The following TMEM260 variants were observed in gnomAD, a reference collection of about 807,000 sequenced individuals.
The protein encoded by TMEM260 is transmembrane protein 260.
In TMEM260, 82 loss-of-function variants were observed where a neutral mutation model predicts 88.9. The ratio of observed to expected loss-of-function variants is 0.92; its 90% CI spans 0.77 to 1.11. TMEM260 has a LOEUF of 1.11. TMEM260 is among the 50% of genes least tolerant of loss of function. The pLI, the probability that TMEM260 is intolerant of heterozygous loss-of-function variation, is 0.00. For missense variants in TMEM260, 902 were observed against 853.4 expected, an observed-to-expected ratio of 1.06 and a Z score of -0.71; for synonymous variants, 314 against 309.3, an observed-to-expected ratio of 1.02 and a Z score of -0.16.
At chr14:56,588,036 C>G (rs555513844) in intron 3 of TMEM260, among the ~76,000 whole-genome samples, 50 of 152,158 alleles carry the variant, frequency 3.3e-4, no homozygotes, top group African/African-American at 1.2e-3. Context: ...TGGCTTTTTC[C>G]TGTTCCAGTG....
rs1310752959 is a variant in TMEM260 at position 56,579,959 on chromosome 14, A to G, written c.45A>G (p.Ala15=). 1 of 1,240,420 alleles carries G rather than the reference A, an allele frequency of 8.1e-7. No individual in the cohort carries two copies. The highest frequency in any genetic ancestry group is 1.5e-5 in the African/African-American group (1 of 64,566). The allele number at this position is 1,240,420 out of a possible 1,614,324, so 76.8% of individuals were successfully genotyped here. A position where few individuals can be genotyped will look rare whatever the true frequency, so the allele number is the denominator to read the frequency against. ...GCAGGGGCCAGGCCCAGGGGCGGGC[A>G]GTCCGAGTGGGGCTGCGGCGCTCCG... The part of the protein sequence containing the change: ...GDGRGQAQGR[A]VRVGLRRSGG... The change falls in exon 1 of 16, where the codon GCA becomes GCG. Residue 15 remains alanine, a synonymous_variant. Coordinates refer to ENST00000261556, the MANE Select transcript of TMEM260 (RefSeq NM_017799.4).
intron 14 of TMEM260, 149 bp downstream of exon 14, chr14:56,635,101 CATT>C (rs1417860994): frequency 1.5e-6 from 1 of 666,188 alleles, no homozygotes; most frequent in Non-Finnish European, 2.6e-6. Flanking sequence ...CTGTACTAAT[CATT>C]ATACATGAAT....
At chr14:56,615,723 T>TAAAA (rs1376742785) in intron 7 of TMEM260, 20 of 496,374 alleles carry the variant, frequency 4.0e-5, no homozygotes, top group African/African-American at 3.8e-4. Context: ...TTCCAAATTA[T>TAAAA]ATAAGTTGAT....
At chr14:56,660,116 C>T in the TMEM260 span, among the ~76,000 whole-genome samples, 11 of 152,168 alleles carry the variant, frequency 7.2e-5, no homozygotes, top group South Asian at 8.3e-4. Context: ...GGAAATAATG[C>T]GACTTGCCTT....
At chr14:56,614,894 C>G (rs1887506261) in intron 7 of TMEM260, among the ~76,000 whole-genome samples, 1 of 152,210 alleles carries the variant, frequency 6.6e-6, no homozygotes, top group South Asian at 2.1e-4. Flanking sequence ...AGCTAATCAT[C>G]TACCCTTTTC....
intron 3 of TMEM260, among the ~76,000 whole-genome samples, chr14:56,591,355 A>G (rs955937097): frequency 3.3e-5 from 5 of 152,208 alleles, no homozygotes; most frequent in Non-Finnish European, 7.4e-5. Flanking sequence ...TTAATATTAA[A>G]TCTGTATTGT....
At chr14:56,623,436 GCC>G (rs1353622869) in intron 11 of TMEM260, among the ~76,000 whole-genome samples, 3 of 152,170 alleles carry the variant, frequency 2.0e-5, no homozygotes, top group African/African-American at 7.2e-5. Flanking sequence ...TGCCCCAGAA[GCC>G]CCCCAGCAGA....
chr14:56,610,748 A>G (rs902911526), intron 6 of TMEM260, among the ~76,000 whole-genome samples: 2 of 152,164 alleles, frequency 1.3e-5, no homozygotes, highest in African/African-American at 4.8e-5. Flanking sequence ...TATTGTCTGA[A>G]GACCATTCTA....
the TMEM260 span, among the ~76,000 whole-genome samples, chr14:56,657,871 C>T: frequency 6.6e-6 from 1 of 152,190 alleles, no homozygotes; most frequent in Non-Finnish European, 1.5e-5. Flanking sequence ...CTTTCCCACA[C>T]CAACATGAGT....
In TMEM260 at chr14:56,625,420, G is replaced by A. The variant is rs760922912; in HGVS notation, c.1437G>A (p.Lys479=). 14 of 1,613,744 alleles carry A rather than the reference G, an allele frequency of 8.7e-6. No homozygotes were observed. Among genetic ancestry groups the A allele is most frequent in the Middle Eastern group, 3.3e-4 (2 of 6,082 alleles). Residue 479 remains lysine (K), a synonymous_variant, in exon 12 of 16, where the codon AAG becomes AAA. Transcript: ENST00000261556. ...AGTGGTATTTACCCAAGATGGCAAAGCACTTGCCAGGTGTCAACTTTCCTG... is the reference window on the plus strand; with the variant it reads ...AGTGGTATTTACCCAAGATGGCAAAACACTTGCCAGGTGTCAACTTTCCTG... ...TYEWYLPKMA[K]HLPGVNFPGN... is the part of the protein sequence containing the mutation.
chr14:56,585,936 T>G (rs1169747556), intron 3 of TMEM260, 24 bp downstream of exon 3: 1 of 1,607,614 alleles, frequency 6.2e-7, no homozygotes, highest in Non-Finnish European at 8.5e-7. Context: ...TTAGTTAAAA[T>G]TAATTTTGAG....
Position 56,603,886 on chromosome 14 carries a change from G to T in TMEM260, c.416G>T (p.Trp139Leu), listed in dbSNP as rs762315317. 1.2e-6 allele frequency: 2 copies of T among 1,613,892 alleles called. No individual in the cohort carries two copies. The highest frequency in any genetic ancestry group is 1.7e-6 in the Non-Finnish European group (2 of 1,179,862). ...VFSFSRLTWQWSIAAEVFSLN... is the reference protein window; with the variant it reads ...VFSFSRLTWQLSIAAEVFSLN... ...TCATTTTCTCGTCTAACATGGCAGT[G>T]GTCCATTGCAGCAGAGGTTTTTAGC... is the stretch of plus-strand genomic sequence containing the variant. The change falls in exon 4 of 16, where the codon TGG (tryptophan) becomes TTG (leucine). Residue 139 changes from tryptophan to leucine, a missense_variant. Physicochemically the swap from Trp to Leu is moderately conservative, Grantham distance 61. Transcript: ENST00000261556.
At chr14:56,643,113 A>G (rs1889718746) in intron 15 of TMEM260, among the ~76,000 whole-genome samples, 1 of 152,228 alleles carries the variant, frequency 6.6e-6, no homozygotes, top group Non-Finnish European at 1.5e-5. Flanking sequence ...ATTCCTTCTG[A>G]AACGATTCCA....
chr14:56,582,188 TAAAC>T (rs1488665157), intron 1 of TMEM260, among the ~76,000 whole-genome samples: 1 of 152,242 alleles, frequency 6.6e-6, no homozygotes, highest in Admixed American at 6.5e-5. Context: ...TTTTCATCAA[TAAAC>T]AGAACACATC....
chr14:56,627,871 G>A (rs993982419), intron 12 of TMEM260, among the ~76,000 whole-genome samples: 1 of 152,204 alleles, frequency 6.6e-6, no homozygotes, highest in Admixed American at 6.5e-5. Context: ...AGCAGTCCAT[G>A]ATTCCATAAA....
intron 12 of TMEM260, among the ~76,000 whole-genome samples, chr14:56,629,393 A>G (rs1888441013): frequency 1.3e-5 from 2 of 151,558 alleles, no homozygotes; most frequent in African/African-American, 4.8e-5. Flanking sequence ...TTACTGTCAT[A>G]TAAGTCTTTT....
In TMEM260 at chr14:56,648,419, G is replaced by A. The variant is rs1890097014; in HGVS notation, c.*922G>A. The A allele has an allele frequency of 6.6e-6, 1 of 152,618 alleles. No individual in the cohort carries two copies. Among genetic ancestry groups the A allele is most frequent in the Non-Finnish European group, 1.5e-5 (1 of 68,032 alleles). 9.5% of individuals were successfully genotyped at this position (152,618 alleles called of 1,614,324 possible). On this transcript the variant is annotated 3_prime_UTR_variant, in exon 16 of 16. Coordinates refer to ENST00000261556, the MANE Select transcript of TMEM260 (RefSeq NM_017799.4). ...ATAGCAACCTGTTTTAATGAATAAA[G>A]TCACTCAGAGTCCTTCAGCACTTCC...
the TMEM260 span, among the ~76,000 whole-genome samples, chr14:56,661,518 G>A: frequency 6.8e-6 from 1 of 147,744 alleles, no homozygotes; most frequent in African/African-American, 2.5e-5. Flanking sequence ...AAGGAAGGAA[G>A]GGAGGGAAGG....
chr14:56,615,628 A>G (rs1380101627), intron 7 of TMEM260: 3 of 205,170 alleles, frequency 1.5e-5, no homozygotes, highest in Non-Finnish European at 2.9e-5. Flanking sequence ...ACTCATTTCA[A>G]ACAGCTTCCT....
Sources: allele counts gnomAD v4.1 joint callset (sites outside exome capture counted in the v4.1 genomes callset), GRCh38; gene constraint gnomAD v4.1.1; transcripts MANE v1.5; gene names NCBI Gene and HGNC (gene_info 2026-07-23, HGNC 2026-07-21).